Variants in RAB5A observed in about 807,000 individuals in gnomAD.
The protein encoded by RAB5A is RAB5A, member RAS oncogene family.
Under a neutral mutation model 25.7 loss-of-function variants are expected in RAB5A, and 8 were observed. The ratio of observed to expected loss-of-function variants is 0.31; its 90% CI spans 0.18 to 0.56. RAB5A has a LOEUF of 0.56. RAB5A is among the 20% of genes least tolerant of loss of function. The probability of loss-of-function intolerance (pLI) is 0.91; values close to 1 mark genes in which losing one functional copy is unlikely to be tolerated. For synonymous variants in RAB5A, 98 were observed against 89.8 expected, an observed-to-expected ratio of 1.09 and a Z score of -0.52; for missense variants, 192 against 259.7, an observed-to-expected ratio of 0.74 and a Z score of 1.79.
intron 2 of RAB5A, chr3:19,970,455 C>T: frequency 2.4e-6 from 1 of 416,422 alleles, no homozygotes; most frequent in Non-Finnish European, 4.8e-6. Context: ...CAAATAGGAG[C>T]TGATCACGTA....
chr3:19,948,541 AT>A (rs1310547655), intron 1 of RAB5A, among the ~76,000 whole-genome samples: 1 of 152,258 alleles, frequency 6.6e-6, no homozygotes, highest in African/African-American at 2.4e-5. Flanking sequence ...AATGTATATT[AT>A]GCAAAATTCT....
chr3:19,965,015 C>G (rs546687909), intron 2 of RAB5A, among the ~76,000 whole-genome samples: 12 of 152,326 alleles, frequency 7.9e-5, no homozygotes, highest in Middle Eastern at 3.4e-3. Context: ...ACTGCAACAT[C>G]TGCCTCCTGG....
intron 2 of RAB5A, among the ~76,000 whole-genome samples, chr3:19,967,732 T>C (rs1418882001): frequency 6.6e-6 from 1 of 152,112 alleles, no homozygotes; most frequent in Non-Finnish European, 1.5e-5. Flanking sequence ...TATTTTTTCT[T>C]TTTTCCCTCC....
intron 2 of RAB5A, among the ~76,000 whole-genome samples, chr3:19,965,979 G>A (rs539202006): frequency 6.6e-6 from 1 of 152,162 alleles, no homozygotes; most frequent in Non-Finnish European, 1.5e-5. Flanking sequence ...ATACCCGCCT[G>A]GGCCTCCCAA....
At chr3:19,962,154 CATAG>C (rs1168544147) in intron 2 of RAB5A, among the ~76,000 whole-genome samples, 2 of 152,170 alleles carry the variant, frequency 1.3e-5, no homozygotes, top group Admixed American at 6.5e-5. Flanking sequence ...CCAGAAGTCA[CATAG>C]ATAGATAGCA....
At chr3:19,950,708 G>C in intron 1 of RAB5A, 98 bp from the exon 2 acceptor site, 1 of 517,744 alleles carries the variant, frequency 1.9e-6, no homozygotes, top group Non-Finnish European at 3.4e-6. Context: ...AGGTCTAGTA[G>C]AGTTTAAGAT....
At chr3:19,957,184 C>T (rs918383309) in intron 2 of RAB5A, among the ~76,000 whole-genome samples, 14 of 151,874 alleles carry the variant, frequency 9.2e-5, no homozygotes, top group Admixed American at 1.3e-4. Context: ...CCACCTCAGC[C>T]TCCCAAGGTG....
chr3:19,960,422 C>T (rs938469437), intron 2 of RAB5A, among the ~76,000 whole-genome samples: 4 of 152,184 alleles, frequency 2.6e-5, no homozygotes, highest in Non-Finnish European at 4.4e-5. Flanking sequence ...ACCTCAGCCT[C>T]CTGAGTAGCT....
chr3:19,956,998 G>A (rs1157006058), intron 2 of RAB5A, among the ~76,000 whole-genome samples: 1 of 148,244 alleles, frequency 6.7e-6, no homozygotes, highest in Non-Finnish European at 1.5e-5. Flanking sequence ...CTGGTGTACA[G>A]TGGTGGCATC....
chr3:19,984,681 G>C lies in RAB5A; in HGVS notation c.*858G>C, dbSNP rs1447444767. The C allele has an allele frequency of 6.5e-6, 1 of 154,732 alleles. No homozygotes were observed. Among genetic ancestry groups the C allele is most frequent in the Non-Finnish European group, 1.4e-5 (1 of 69,700 alleles). The allele number at this position is 154,732 out of a possible 1,614,324, so 9.6% of individuals were successfully genotyped here. On this transcript the variant is annotated 3_prime_UTR_variant, in exon 6 of 6. Transcript: ENST00000273047. The stretch of plus-strand genomic sequence containing the variant: ...CTAACAATTATGTATATTCAAACTT[G>C]ATTATTTTAAATTCGATCTTCAGCT...
chr3:19,968,804 G>A (rs928895371), intron 2 of RAB5A, among the ~76,000 whole-genome samples: 2 of 151,966 alleles, frequency 1.3e-5, no homozygotes, highest in South Asian at 2.1e-4. Context: ...TCACTAACAA[G>A]GTTGTTTTTA....
chr3:19,967,440 C>T (rs527597428), intron 2 of RAB5A, among the ~76,000 whole-genome samples: 120 of 152,280 alleles, frequency 7.9e-4, no homozygotes, highest in African/African-American at 2.5e-3. Context: ...CCATTGCGCT[C>T]GGCCCTTTGT....
intron 2 of RAB5A, among the ~76,000 whole-genome samples, chr3:19,968,218 A>G (rs1437314952): frequency 6.6e-6 from 1 of 152,088 alleles, no homozygotes; most frequent in Non-Finnish European, 1.5e-5. Flanking sequence ...ATTGCTACTT[A>G]ATACTTAGTT....
intron 2 of RAB5A, among the ~76,000 whole-genome samples, chr3:19,963,487 T>G (rs1696620676): frequency 6.6e-6 from 1 of 151,882 alleles, no homozygotes; most frequent in Non-Finnish European, 1.5e-5. Context: ...TTCATCCTTT[T>G]TCATCCCTTA....
At chr3:19,975,823 A>T in intron 3 of RAB5A, 71 bp downstream of exon 3, 1 of 1,466,364 alleles carries the variant, frequency 6.8e-7, no homozygotes, top group Non-Finnish European at 9.2e-7. Flanking sequence ...TTTTGATTAA[A>T]TGTTTTGGAA....
chr3:19,958,619 A>G (rs1406803080), intron 2 of RAB5A, among the ~76,000 whole-genome samples: 1 of 152,204 alleles, frequency 6.6e-6, no homozygotes, highest in Admixed American at 6.5e-5. Context: ...CGAGGCAGGC[A>G]TATCACCTGA....
At chr3:19,961,155 C>G (rs1696579348) in intron 2 of RAB5A, among the ~76,000 whole-genome samples, 1 of 152,124 alleles carries the variant, frequency 6.6e-6, no homozygotes, top group Non-Finnish European at 1.5e-5. Context: ...ATAATAATTA[C>G]TTGTTATGTG....
chr3:19,956,112 A>C (rs578026254), intron 2 of RAB5A, among the ~76,000 whole-genome samples: 1 of 152,252 alleles, frequency 6.6e-6, no homozygotes, highest in African/African-American at 2.4e-5. Context: ...CATCTGTACC[A>C]CTGCTGCTCT....
At chr3:19,965,455 A>T (rs1696647560) in intron 2 of RAB5A, among the ~76,000 whole-genome samples, 1 of 151,450 alleles carries the variant, frequency 6.6e-6, no homozygotes, top group Admixed American at 6.6e-5. Context: ...GACGATGTTC[A>T]GCTGGTGACA....
Sources: allele counts gnomAD v4.1 joint callset (sites outside exome capture counted in the v4.1 genomes callset), GRCh38; gene constraint gnomAD v4.1.1; transcripts MANE v1.5; gene names NCBI Gene and HGNC (gene_info 2026-07-23, HGNC 2026-07-21).